The following DYSF variants were observed in gnomAD, a reference collection of about 807,000 sequenced individuals.
DYSF encodes dystrophy-associated fer-1-like 1.
Under a neutral mutation model 274.9 loss-of-function variants are expected in DYSF, and 212 were observed. The ratio of observed to expected loss-of-function variants is 0.77; its 90% CI spans 0.69 to 0.86. DYSF has a LOEUF of 0.86. Among genes scored for constraint, DYSF ranks in the 40% least tolerant of loss-of-function variants. DYSF has a pLI of 0.00. For missense variants in DYSF, 2,666 were observed against 2,783.2 expected, an observed-to-expected ratio of 0.96 and a Z score of 0.95; for synonymous variants, 1,091 against 1,078.7, an observed-to-expected ratio of 1.01 and a Z score of -0.22.
At chr2:71,604,185 G>A (rs1312943370) in intron 36 of DYSF, among the ~76,000 whole-genome samples, 1 of 152,090 alleles carries the variant, frequency 6.6e-6, no homozygotes, top group Non-Finnish European at 1.5e-5. Flanking sequence ...CCCAGAAGAT[G>A]ACCTTGTGAC....
intron 31 of DYSF, 110 bp from the exon 32 acceptor site, chr2:71,590,101 C>A: frequency 9.4e-7 from 1 of 1,065,436 alleles, no homozygotes. Flanking sequence ...CCTCATTCAG[C>A]CCCTCTGTCT....
chr2:71,578,384 C>T (rs1188512168), intron 30 of DYSF, among the ~76,000 whole-genome samples: 1 of 152,142 alleles, frequency 6.6e-6, no homozygotes, highest in African/African-American at 2.4e-5. Context: ...GGCAAGATGA[C>T]ATGTTCTCCC....
chr2:71,524,087 CT>C (rs1457313260), intron 12 of DYSF, among the ~76,000 whole-genome samples: 1 of 152,174 alleles, frequency 6.6e-6, no homozygotes, highest in Non-Finnish European at 1.5e-5. Context: ...CCTCTCTAGC[CT>C]TTTCCCCTGC....
intron 14 of DYSF, among the ~76,000 whole-genome samples, chr2:71,534,716 G>C (rs886771328): frequency 3.9e-5 from 6 of 152,318 alleles, no homozygotes; most frequent in African/African-American, 1.4e-4. Context: ...TGGCCATAAT[G>C]GGAGGTATGG....
intron 42 of DYSF, among the ~76,000 whole-genome samples, chr2:71,652,538 C>A (rs2094684079): frequency 6.6e-6 from 1 of 152,074 alleles, no homozygotes; most frequent in South Asian, 2.1e-4. Flanking sequence ...TATGAAGATG[C>A]CTATAAATAG....
At chr2:71,640,601 C>T (rs1358468459) in intron 41 of DYSF, among the ~76,000 whole-genome samples, 3 of 152,164 alleles carry the variant, frequency 2.0e-5, no homozygotes, top group Non-Finnish European at 4.4e-5. Flanking sequence ...CTGTGGGTTT[C>T]CTCTCCTGAC....
At chr2:71,470,329 C>A (rs1284129560) in intron 1 of DYSF, among the ~76,000 whole-genome samples, 1 of 152,062 alleles carries the variant, frequency 6.6e-6, no homozygotes, top group African/African-American at 2.4e-5. Context: ...GGGCTGAAGG[C>A]CCCGGACTCT....
intron 3 of DYSF, among the ~76,000 whole-genome samples, chr2:71,499,558 C>A (rs1161784413): frequency 6.6e-6 from 1 of 152,236 alleles, no homozygotes; most frequent in Non-Finnish European, 1.5e-5. Context: ...TGGGGGCCAC[C>A]CATGCCTCCT....
chr2:71,519,965 CT>C (rs2087078537), intron 10 of DYSF, among the ~76,000 whole-genome samples: 1 of 151,864 alleles, frequency 6.6e-6, no homozygotes, highest in South Asian at 2.1e-4. Context: ...GCCCAGCCTC[CT>C]TTCCTCTTTC....
intron 30 of DYSF, among the ~76,000 whole-genome samples, chr2:71,587,023 A>G (rs906603752): frequency 6.6e-6 from 1 of 152,160 alleles, no homozygotes; most frequent in African/African-American, 2.4e-5. Context: ...GCACTGTTGC[A>G]CCTGCGGGCT....
chr2:71,578,413 A>C (rs1215973074), intron 30 of DYSF, among the ~76,000 whole-genome samples: 1 of 152,102 alleles, frequency 6.6e-6, no homozygotes, highest in Non-Finnish European at 1.5e-5. Flanking sequence ...GGTGGGGGAA[A>C]TGTGGTCTTT....
chr2:71,543,620 G>A (rs2090164782), intron 17 of DYSF, among the ~76,000 whole-genome samples: 1 of 152,252 alleles, frequency 6.6e-6, no homozygotes, highest in Non-Finnish European at 1.5e-5. Flanking sequence ...AGCACCTCAG[G>A]AGGCGGAGGC....
At chr2:71,456,103 T>G (rs1312610387) in intron 1 of DYSF, among the ~76,000 whole-genome samples, 1 of 152,062 alleles carries the variant, frequency 6.6e-6, no homozygotes, top group Non-Finnish European at 1.5e-5. Flanking sequence ...CATCCCTGGC[T>G]GAATCCTCTC....
Position 71,656,157 on chromosome 2 carries a change from G to C in DYSF, c.4627-5G>C. ...GTCCCCTCCTCTAATCCCCATGTGT[G>C]GCAGGTCTATGACACACAGCTGGAG... On this transcript the variant is annotated splice_polypyrimidine_tract_variant and splice_region_variant and intron_variant, in intron 42 of 55. Coordinates refer to ENST00000410020, the MANE Select transcript of DYSF (RefSeq NM_001130987.2). 1 of 1,614,098 alleles carries C rather than the reference G, an allele frequency of 6.2e-7. No individual in the cohort carries two copies.
chr2:71,490,719 G>A (rs919352228), intron 3 of DYSF, among the ~76,000 whole-genome samples: 9 of 152,194 alleles, frequency 5.9e-5, no homozygotes, highest in Admixed American at 4.6e-4. Context: ...ATGGAATTAT[G>A]CTATATGTAT....
intron 41 of DYSF, among the ~76,000 whole-genome samples, chr2:71,621,521 C>T (rs2094098916): frequency 6.6e-6 from 1 of 151,890 alleles, no homozygotes; most frequent in Non-Finnish European, 1.5e-5. Context: ...TTTAAACTCA[C>T]ATGAATACTT....
Position 71,620,606 on chromosome 2 carries a change from T to C in DYSF, c.4524T>C (p.Pro1508=). 6.4e-7 allele frequency: 1 copy of C among 1,551,090 alleles called. No homozygotes were observed. Among genetic ancestry groups the C allele is most frequent in the East Asian group, 2.4e-5 (1 of 40,872 alleles). Residue 1508 remains proline, a synonymous_variant, in exon 41 of 56, where the codon CCT becomes CCC. Coordinates refer to ENST00000410020, the MANE Select transcript of DYSF (RefSeq NM_001130987.2). ...ACACGGCTTCTCCTCCATCCAGTCCTCATGTATGTACTGTTTACTTATTTG... is the reference window on the plus strand; with the variant it reads ...ACACGGCTTCTCCTCCATCCAGTCCCCATGTATGTACTGTTTACTTATTTG... ...PTNTASPPSS[P]HEEEFIDWWS...
chr2:71,593,438 T>C (rs1009528575), intron 32 of DYSF, among the ~76,000 whole-genome samples: 1 of 152,172 alleles, frequency 6.6e-6, no homozygotes, highest in East Asian at 1.9e-4. Context: ...GCCAGTTCAA[T>C]GACTTCTTTT....
In DYSF at chr2:71,668,876, T is replaced by C. The variant is rs201712547; in HGVS notation, c.5546+34T>C. ...CCCAGCCACAGGCTCTGAGCTGGGCTGAGGGGTGGGGGCGTTGCAGCCTGC... is the reference window on the plus strand; with the variant it reads ...CCCAGCCACAGGCTCTGAGCTGGGCCGAGGGGTGGGGGCGTTGCAGCCTGC... On this transcript the variant is annotated intron_variant, in intron 49 of 55. Coordinates refer to ENST00000410020, the MANE Select transcript of DYSF (RefSeq NM_001130987.2). 1,261 of 1,603,654 alleles carry C rather than the reference T, an allele frequency of 7.9e-4. 17 individuals are homozygous for C. Among genetic ancestry groups the C allele is most frequent in the Admixed American group, 2.9e-4 (17 of 59,296 alleles).
Sources: gnomAD v4.1 joint callset for allele counts (sites outside exome capture counted in the v4.1 genomes callset) on GRCh38, gnomAD v4.1.1 for gene constraint, MANE v1.5 for transcripts, NCBI Gene and HGNC (gene_info 2026-07-23, HGNC 2026-07-21) for gene names.